Variants in KIAA0319L observed in about 807,000 individuals in gnomAD.
KIAA0319L encodes the protein KIAA0319 like.
In KIAA0319L, 55 loss-of-function variants were observed where a neutral mutation model predicts 120.1. That is an observed-to-expected ratio of 0.46 (90% confidence interval 0.37 to 0.57). The LOEUF (loss-of-function observed/expected upper bound fraction) is 0.57, where lower values mean the gene tolerates loss of function less well. Ranked by LOEUF, KIAA0319L falls within the 20% of genes least tolerant of loss-of-function variation. The probability of loss-of-function intolerance (pLI) is 0.00; values close to 1 mark genes in which losing one functional copy is unlikely to be tolerated. For missense variants in KIAA0319L, 1,049 were observed against 1,255.3 expected, an observed-to-expected ratio of 0.84 and a Z score of 2.48; for synonymous variants, 398 against 471.9, an observed-to-expected ratio of 0.84 and a Z score of 2.03.
chr1:35,454,568 A>T, intron 10 of KIAA0319L, 83 bp from the exon 11 acceptor site: 9 of 1,567,818 alleles, frequency 5.7e-6, no homozygotes, highest in Non-Finnish European at 7.8e-6. Flanking sequence ...AAAACGATTT[A>T]GTTTTCTAAA....
intron 8 of KIAA0319L, among the ~76,000 whole-genome samples, chr1:35,461,018 T>C (rs1420034465): frequency 8.5e-5 from 13 of 152,212 alleles, no homozygotes; most frequent in Non-Finnish European, 1.5e-5. Flanking sequence ...ACATTGTTTG[T>C]AATAGCAAAA....
At chr1:35,477,464 G>C (rs544449247) in intron 4 of KIAA0319L, among the ~76,000 whole-genome samples, 1 of 152,036 alleles carries the variant, frequency 6.6e-6, no homozygotes, top group African/African-American at 2.4e-5. Flanking sequence ...TCAGGAGATC[G>C]AGACCATCCT....
chr1:35,522,836 G>A (rs1480477287), intron 2 of KIAA0319L, among the ~76,000 whole-genome samples: 1 of 150,738 alleles, frequency 6.6e-6, no homozygotes, highest in Non-Finnish European at 1.5e-5. Context: ...GCTAACACTG[G>A]GAAACCCCAT....
intron 19 of KIAA0319L, among the ~76,000 whole-genome samples, chr1:35,441,946 C>T (rs547767846): frequency 1.3e-5 from 2 of 152,210 alleles, no homozygotes; most frequent in Admixed American, 6.5e-5. Context: ...AGATGTGATC[C>T]GGGTCTGTAC....
chr1:35,437,128 G>A lies in KIAA0319L; in HGVS notation c.2963-2047C>T, dbSNP rs997535953. The stretch of plus-strand genomic sequence containing the variant: ...TGCCCTCACCTGGTCGCACGTTGTT[G>A]GTTTTGGTCACCTAGATGCCACTGG... On this transcript the variant is annotated intron_variant, in intron 20 of 20. Transcript: ENST00000325722. This position sits in a 1 kb window ranked among gnomAD's most constrained non-coding sequence, Gnocchi z 4.1. Among the ~76,000 whole-genome samples the A allele has an allele frequency of 1.3e-5, 2 of 152,118 alleles. No homozygotes were observed. Among genetic ancestry groups the A allele is most frequent in the Non-Finnish European group, 2.9e-5 (2 of 68,024 alleles).
intron 2 of KIAA0319L, among the ~76,000 whole-genome samples, chr1:35,551,746 T>C (rs968797350): frequency 2.6e-5 from 4 of 152,208 alleles, no homozygotes; most frequent in African/African-American, 7.2e-5. Flanking sequence ...TGAACATACA[T>C]GGCTCTTGAT....
At chr1:35,524,784 T>A (rs1303305682) in intron 2 of KIAA0319L, among the ~76,000 whole-genome samples, 1 of 152,238 alleles carries the variant, frequency 6.6e-6, no homozygotes, top group Non-Finnish European at 1.5e-5. Context: ...TGTGCAGTGA[T>A]CAAGTCAGGG....
At chr1:35,538,862 A>G (rs193102402) in intron 2 of KIAA0319L, among the ~76,000 whole-genome samples, 2 of 151,806 alleles carry the variant, frequency 1.3e-5, no homozygotes, top group South Asian at 2.1e-4. Flanking sequence ...TGTAAGTCAC[A>G]TTCTACTGAC....
intron 2 of KIAA0319L, among the ~76,000 whole-genome samples, chr1:35,519,688 G>GAAAAGAACTCTTTTCAAAGTTCTTTTTA (rs1250804172): frequency 2.0e-5 from 3 of 152,060 alleles, no homozygotes; most frequent in East Asian, 1.9e-4. Flanking sequence ...CCAGACCAGT[G>GAAAAGAACTCTTTTCAAAGTTCTTTTTA]AAAAGAACTC....
chr1:35,482,610 G>C (rs1028634251), intron 3 of KIAA0319L, among the ~76,000 whole-genome samples: 3 of 151,972 alleles, frequency 2.0e-5, no homozygotes, highest in Non-Finnish European at 4.4e-5. Context: ...TGTATTTTTA[G>C]TAGAGACTGG....
intron 5 of KIAA0319L, among the ~76,000 whole-genome samples, chr1:35,472,591 A>C (rs749711587): frequency 9.9e-5 from 15 of 151,916 alleles, no homozygotes; most frequent in Non-Finnish European, 1.9e-4. Flanking sequence ...CACCACGCCC[A>C]GCCGGACAGT....
chr1:35,500,962 T>C (rs1163692471), intron 3 of KIAA0319L, among the ~76,000 whole-genome samples: 1 of 152,148 alleles, frequency 6.6e-6, no homozygotes, highest in Non-Finnish European at 1.5e-5. Flanking sequence ...TTAGCAATAC[T>C]TGCAGTTCTC....
chr1:35,463,246 G>A (rs775505840), intron 7 of KIAA0319L, among the ~76,000 whole-genome samples: 14 of 152,124 alleles, frequency 9.2e-5, no homozygotes, highest in African/African-American at 1.4e-4. Context: ...AAGACACTTC[G>A]GAGTATAAAA....
rs774681784 is a variant in KIAA0319L at position 35,450,405 on chromosome 1, T to C, written c.2167A>G (p.Ile723Val). 1 of 1,614,114 alleles carries C rather than the reference T, an allele frequency of 6.2e-7. No homozygotes were observed. Among genetic ancestry groups the C allele is most frequent in the Non-Finnish European group, 8.5e-7 (1 of 1,179,970 alleles). Reference protein sequence around the residue: ...DGSKSSDDKGIVSYLWTRDEG... With the variant: ...DGSKSSDDKGVVSYLWTRDEG... The stretch of plus-strand genomic sequence containing the variant: ...TCTCGAGTCCAGAGGTAGCTGACTA[T>C]TCCCTTGTCATCTGAGGACTTAGAG... The change falls in exon 14 of 21, where the codon ATA (isoleucine) becomes GTA (valine). Residue 723 changes from isoleucine (I) to valine (V), a missense_variant. Physicochemically the swap from Ile to Val is conservative, Grantham distance 29. Transcript: ENST00000325722.
At chr1:35,538,779 C>T (rs1646680453) in intron 2 of KIAA0319L, among the ~76,000 whole-genome samples, 1 of 151,892 alleles carries the variant, frequency 6.6e-6, no homozygotes, top group African/African-American at 2.4e-5. Context: ...AATCATGTGG[C>T]TTTTAATAGA....
At chr1:35,487,631 T>C (rs189620789) in intron 3 of KIAA0319L, among the ~76,000 whole-genome samples, 78 of 152,330 alleles carry the variant, frequency 5.1e-4, no homozygotes, top group Middle Eastern at 3.4e-3. Flanking sequence ...CTGTTCTCAT[T>C]GTACTGTCTT....
intron 2 of KIAA0319L, among the ~76,000 whole-genome samples, chr1:35,542,438 C>T (rs1250137660): frequency 2.0e-5 from 3 of 152,174 alleles, no homozygotes; most frequent in African/African-American, 7.2e-5. Context: ...GTAGTCAAGA[C>T]CAATTCTTAC....
Position 35,450,367 on chromosome 1 carries a change from T to A in KIAA0319L, c.2205A>T (p.Pro735=), listed in dbSNP as rs757874600. Residue 735 remains proline, a synonymous_variant, in exon 14 of 21, where the codon CCA becomes CCT. Transcript: ENST00000325722. ...SYLWTRDEGS[P]AAGEVLNHSD... is the part of the protein sequence containing the mutation. ...CTCCTAGCACACTTACCCCTGCTGC[T>A]GGGCTCCCCTCATCTCGAGTCCAGA... 1.9e-6 allele frequency: 3 copies of A among 1,613,572 alleles called. No homozygotes were observed. In the Admixed American group the frequency reaches 5.0e-5, roughly 27 times the overall value.
intron 2 of KIAA0319L, among the ~76,000 whole-genome samples, chr1:35,508,213 C>T (rs947928705): frequency 1.3e-5 from 2 of 152,216 alleles, no homozygotes; most frequent in Non-Finnish European, 2.9e-5. Flanking sequence ...TAGTGAGTGT[C>T]TCTTTAAATT....
Sources: gnomAD v4.1 joint callset for allele counts (sites outside exome capture counted in the v4.1 genomes callset) on GRCh38, gnomAD v4.1.1 for gene constraint, Gnocchi (gnomAD v3.1) non-coding constraint, MANE v1.5 for transcripts, NCBI Gene and HGNC (gene_info 2026-07-23, HGNC 2026-07-21) for gene names.